Variants in DHX30 observed in about 807,000 individuals in gnomAD.
DHX30 encodes DExH-box helicase 30.
In DHX30, 4 loss-of-function variants were observed where a neutral mutation model predicts 116.9. The ratio of observed to expected loss-of-function variants is 0.03; its 90% CI spans 0.02 to 0.08. The LOEUF (loss-of-function observed/expected upper bound fraction) is 0.08, where lower values mean the gene tolerates loss of function less well. Ranked by LOEUF, DHX30 falls within the 10% of genes least tolerant of loss-of-function variation. The pLI is 1.00. For synonymous variants in DHX30, 697 were observed against 651.7 expected (o/e 1.07, Z -1.06); for missense variants, 871 against 1,595.1 (o/e 0.55, Z 7.73).
rs2037866416 is a variant in DHX30, at chr3:47,849,326, G to A, written c.3064G>A (p.Gly1022Ser). ...GCTGGTGAAGGGCGTGCTGATGGCC[G>A]GCCTCTACCCCAACCTCATCCAGGT... is the stretch of plus-strand genomic sequence containing the variant. ...EELVKGVLMA[G>S]LYPNLIQVRQ... The change falls in exon 19 of 22, where the codon GGC (glycine) becomes AGC (serine). Residue 1022 changes from glycine to serine, a missense_variant. By Grantham distance (56) the Gly-to-Ser change is moderately conservative. Transcript: ENST00000445061. 1 of 1,613,762 alleles carries A rather than the reference G, an allele frequency of 6.2e-7. No homozygotes were observed. Among genetic ancestry groups the A allele is most frequent in the Non-Finnish European group, 8.5e-7 (1 of 1,179,888 alleles).
intron 4 of DHX30, among the ~76,000 whole-genome samples, chr3:47,824,151 C>T (rs2036428057): frequency 6.6e-6 from 1 of 151,734 alleles, no homozygotes; most frequent in South Asian, 2.1e-4. Context: ...TACAGGCGCG[C>T]GACACTATGC....
intron 2 of DHX30, 48 bp downstream of exon 2, chr3:47,805,468 G>T (rs371205889): frequency 7.5e-6 from 3 of 398,910 alleles, no homozygotes; most frequent in East Asian, 7.1e-5. Context: ...CTGATGCTCA[G>T]CTGTACTGTA....
At chr3:47,813,582 G>A (rs1280960343) in intron 3 of DHX30, among the ~76,000 whole-genome samples, 4 of 152,176 alleles carry the variant, frequency 2.6e-5, no homozygotes, top group African/African-American at 4.8e-5. Flanking sequence ...CCTGTAGCCC[G>A]TGTTGAAGCT....
intron 2 of DHX30, among the ~76,000 whole-genome samples, chr3:47,807,246 C>T (rs942398730): frequency 2.0e-5 from 3 of 152,008 alleles, no homozygotes; most frequent in East Asian, 1.9e-4. Context: ...CAAGGAAGAC[C>T]GCTTTCTTTT....
chr3:47,814,296 G>A (rs1187811716), intron 3 of DHX30, among the ~76,000 whole-genome samples: 2 of 151,106 alleles, frequency 1.3e-5, no homozygotes, highest in African/African-American at 2.4e-5. Context: ...AAAATCAGCC[G>A]GGCATGGTAA....
In DHX30 at chr3:47,848,555, G is replaced by A. The variant is rs1347930503; in HGVS notation, c.2575+5G>A. 1.9e-6 allele frequency: 3 copies of A among 1,584,378 alleles called. No individual in the cohort carries two copies. The highest frequency in any genetic ancestry group is 2.2e-5 in the East Asian group (1 of 44,648). On this transcript the variant is annotated splice_donor_5th_base_variant and intron_variant, in intron 16 of 21. Coordinates refer to ENST00000445061, the MANE Select transcript of DHX30 (RefSeq NM_138615.3). The surrounding 1 kb of genome is among the most constrained non-coding windows in gnomAD (Gnocchi z 9.4). ...TGATCTTGCTCCAGGAGATCGGTAT[G>A]TAGGGGCTGGGCTGGGCTGGGCTGG...
At chr3:47,832,292 C>T (rs2036896540) in intron 6 of DHX30, among the ~76,000 whole-genome samples, 1 of 152,126 alleles carries the variant, frequency 6.6e-6, no homozygotes, top group Admixed American at 6.6e-5. Context: ...AAGACCTCTG[C>T]TTCTCTTTTC....
At chr3:47,841,274 C>T (rs1368748382) in intron 7 of DHX30, 96 bp downstream of exon 7, 2 of 1,500,672 alleles carry the variant, frequency 1.3e-6, no homozygotes, top group Non-Finnish European at 1.8e-6. Context: ...GATGGGAGCG[C>T]CCCTGCCTCA....
chr3:47,845,468 T>A, intron 9 of DHX30: 1 of 372,996 alleles, frequency 2.7e-6, no homozygotes, highest in Non-Finnish European at 4.5e-6. Context: ...ATTACAGGCG[T>A]GAGCCACCGC....
At chr3:47,816,186 A>G (rs1285019740) in intron 3 of DHX30, 2 of 977,892 alleles carry the variant, frequency 2.0e-6, no homozygotes, top group Non-Finnish European at 2.4e-6. Context: ...TCACACATCT[A>G]TAATATTATA....
At chr3:47,819,175 C>T in intron 4 of DHX30, 2 of 1,352,578 alleles carry the variant, frequency 1.5e-6, no homozygotes, top group Non-Finnish European at 2.0e-6. Flanking sequence ...CTACCGTTAC[C>T]AAAACAAGAG....
chr3:47,841,722 A>G lies in DHX30; in HGVS notation c.774A>G (p.Ser258=), dbSNP rs774190263. The part of the protein sequence containing the change: ...LLAKVIQIAT[S]SSTAKNLMQF... ...CCAAGGTGATTCAGATTGCAACGTC[A>G]TCCTCCACAGCTAAGGTGAGTTGGG... Residue 258 remains serine (S), a synonymous_variant, in exon 8 of 22, where the codon TCA becomes TCG. Coordinates refer to ENST00000445061, the MANE Select transcript of DHX30 (RefSeq NM_138615.3). 9 of 1,614,230 alleles carry G rather than the reference A, an allele frequency of 5.6e-6. No individual in the cohort carries two copies.
intron 4 of DHX30, among the ~76,000 whole-genome samples, chr3:47,824,062 G>T (rs2036423341): frequency 6.7e-6 from 1 of 148,634 alleles, no homozygotes; most frequent in Admixed American, 6.7e-5. Flanking sequence ...AAGTGCAGTG[G>T]CATGATCTTG....
intron 3 of DHX30, among the ~76,000 whole-genome samples, chr3:47,812,063 CA>C (rs370479642): frequency 5.6e-5 from 5 of 89,106 alleles, no homozygotes; most frequent in Middle Eastern, 7.4e-3. Context: ...GACTCAGTCT[CA>C]AAAAAAAAAA....
At chr3:47,840,776 AC>A in intron 6 of DHX30, 100 bp from the exon 7 acceptor site, 8 of 1,470,282 alleles carry the variant, frequency 5.4e-6, no homozygotes, top group Non-Finnish European at 7.4e-6. Context: ...ATGAAAAACC[AC>A]GGCTGCACAA....
chr3:47,832,940 C>CT (rs752858732), intron 6 of DHX30, among the ~76,000 whole-genome samples: 1,620 of 118,684 alleles, frequency 0.014, 63 homozygotes, highest in African/African-American at 0.04. Context: ...TGCCTGGCCT[C>CT]TTTTTTTTTT....
intron 6 of DHX30, among the ~76,000 whole-genome samples, chr3:47,836,430 GC>G (rs2037120231): frequency 6.6e-6 from 1 of 152,076 alleles, no homozygotes; most frequent in Non-Finnish European, 1.5e-5. Context: ...GAGCTACTGT[GC>G]CCGGCCATCC....
At position 47,848,893 on chromosome 3, in the gene DHX30, TC is replaced by T. The variant is rs1275818539; in HGVS notation, c.2770-25del. The T allele has an allele frequency of 3.1e-6, 5 of 1,595,808 alleles. No homozygotes were observed. The highest frequency in any genetic ancestry group is 4.3e-6 in the Non-Finnish European group (5 of 1,167,138). On this transcript the variant is annotated intron_variant, in intron 17 of 21. Coordinates refer to ENST00000445061, the MANE Select transcript of DHX30 (RefSeq NM_138615.3). This position sits in a 1 kb window ranked among gnomAD's most constrained non-coding sequence, Gnocchi z 9.4. ...GGCGTTGTCTAGCCCCTGCCTGTGA[TC>T]CGGCTGCCCTCTTCTCCCCTCCCAG...
chr3:47,828,310 GT>G (rs1033920490), intron 5 of DHX30, among the ~76,000 whole-genome samples: 2 of 151,338 alleles, frequency 1.3e-5, no homozygotes, highest in African/African-American at 4.9e-5. Flanking sequence ...AAATGAAAAA[GT>G]TACTCAGGCA....
Sources: allele counts gnomAD v4.1 joint callset (sites outside exome capture counted in the v4.1 genomes callset), GRCh38; gene constraint gnomAD v4.1.1; non-coding constraint Gnocchi (gnomAD v3.1); transcripts MANE v1.5; gene names NCBI Gene and HGNC (gene_info 2026-07-23, HGNC 2026-07-21).